TBC1D14: variants seen among roughly 807,000 people sequenced by gnomAD.
The protein encoded by TBC1D14 is TBC1 domain family, member 14.
TBC1D14 carries 26 observed loss-of-function variants against 79.0 expected under a neutral mutation model. That is an observed-to-expected ratio of 0.33 (90% CI 0.24 to 0.46). The LOEUF is 0.46. TBC1D14 is among the 20% of genes least tolerant of loss of function. The probability of loss-of-function intolerance (pLI) is 1.00; values close to 1 mark genes in which losing one functional copy is unlikely to be tolerated. For missense variants in TBC1D14, 769 were observed against 887.6 expected, an observed-to-expected ratio of 0.87 and a Z score of 1.70; for synonymous variants, 394 against 349.9, an observed-to-expected ratio of 1.13 and a Z score of -1.40.
chr4:6,974,906 TTTTTGTTTTG>T (rs540188879), intron 3 of TBC1D14, among the ~76,000 whole-genome samples: 4 of 152,076 alleles, frequency 2.6e-5, no homozygotes, highest in Non-Finnish European at 5.9e-5. Context: ...TGTTTGTTTG[TTTTTGTTTTG>T]TTTTGTTTTG....
At chr4:6,936,385 G>A (rs2108961130) in intron 2 of TBC1D14, among the ~76,000 whole-genome samples, 1 of 152,310 alleles carries the variant, frequency 6.6e-6, no homozygotes, top group South Asian at 2.1e-4. Flanking sequence ...TTTCCAGAAT[G>A]CCATACAGGT....
chr4:6,918,443 A>T (rs1359654868), intron 1 of TBC1D14, among the ~76,000 whole-genome samples: 1 of 152,224 alleles, frequency 6.6e-6, no homozygotes, highest in African/African-American at 2.4e-5. Flanking sequence ...AAAGGGAAGC[A>T]CACGTTCATT....
intron 2 of TBC1D14, among the ~76,000 whole-genome samples, chr4:6,927,400 A>G (rs1007651058): frequency 2.6e-4 from 40 of 152,020 alleles, no homozygotes; most frequent in African/African-American, 9.2e-4. Flanking sequence ...TGGGCAAGTT[A>G]CCTCTCTGAG....
rs770795373 is a variant in TBC1D14, at chr4:7,010,711, C to G, written c.1577C>G (p.Ala526Gly). The G allele has an allele frequency of 7.4e-6, 12 of 1,613,738 alleles. No homozygotes were observed. The highest frequency in any genetic ancestry group is 1.7e-5 in the Admixed American group (1 of 59,974). ...VLILNLDTADAFIAFSNLLNK... is the reference protein window; with the variant it reads ...VLILNLDTADGFIAFSNLLNK... ...ATCTTGAACTTAGATACTGCAGATGCCTTTATTGCCTTTTCTAACCTTCTG... is the reference window on the plus strand; with the variant it reads ...ATCTTGAACTTAGATACTGCAGATGGCTTTATTGCCTTTTCTAACCTTCTG... The change falls in exon 11 of 14, where the codon GCC (alanine) becomes GGC (glycine). Residue 526 changes from alanine to glycine, a missense_variant. This residue lies in a region of TBC1D14 where 367 missense variants were observed against 494.4 expected (regional missense o/e 0.74). Coordinates refer to ENST00000409757, the MANE Select transcript of TBC1D14 (RefSeq NM_020773.3).
intron 7 of TBC1D14, among the ~76,000 whole-genome samples, chr4:7,003,257 C>T (rs949956910): frequency 2.0e-5 from 3 of 152,196 alleles, no homozygotes; most frequent in Non-Finnish European, 2.9e-5. Context: ...ACCCATTAAA[C>T]CCCGAGGCTG....
intron 3 of TBC1D14, chr4:6,987,266 CCGGG>C (rs1444232049): frequency 7.7e-7 from 1 of 1,303,076 alleles, no homozygotes; most frequent in African/African-American, 1.5e-5. Flanking sequence ...CGCCCGCGGT[CCGGG>C]AGGGAGGGAG....
intron 3 of TBC1D14, among the ~76,000 whole-genome samples, chr4:6,967,942 A>G (rs1715849967): frequency 2.0e-5 from 3 of 151,952 alleles, no homozygotes; most frequent in Admixed American, 2.0e-4. Context: ...GCATGTCCTC[A>G]CCACTGGGCT....
intron 2 of TBC1D14, among the ~76,000 whole-genome samples, chr4:6,958,499 G>C (rs573867115): frequency 9.9e-5 from 15 of 152,124 alleles, no homozygotes; most frequent in Admixed American, 6.5e-5. Flanking sequence ...GGCTCACTCA[G>C]CTTGTGGCAG....
rs193077447 is a variant in TBC1D14 at position 6,986,023 on chromosome 4, C to T, written c.844-8161C>T. Reference sequence around the variant, plus strand: ...ACATCCAAAGTTTTATTTTTCATCACCCAAAAAAGTTCCTTCGTGCCTGTT... The same window carrying T: ...ACATCCAAAGTTTTATTTTTCATCATCCAAAAAAGTTCCTTCGTGCCTGTT... On this transcript the variant is annotated intron_variant, in intron 3 of 13. Transcript: ENST00000409757. Among the ~76,000 whole-genome samples the T allele has an allele frequency of 5.3e-5, 8 of 152,288 alleles. No individual in the cohort carries two copies. In the East Asian group the frequency reaches 9.6e-4, roughly 18 times the overall value.
intron 13 of TBC1D14, among the ~76,000 whole-genome samples, chr4:7,027,607 TAC>T (rs570126478): frequency 3.5e-4 from 42 of 120,200 alleles, no homozygotes; most frequent in East Asian, 1.8e-3. Context: ...ACAATTACCC[TAC>T]ACAGTCACAT....
intron 7 of TBC1D14, among the ~76,000 whole-genome samples, chr4:7,003,351 C>T (rs572861810): frequency 2.0e-5 from 3 of 152,344 alleles, no homozygotes; most frequent in Admixed American, 2.0e-4. Context: ...TTTTCATCCA[C>T]CTCCTGCCAA....
chr4:6,916,652 C>T (rs1010040442), intron 1 of TBC1D14, among the ~76,000 whole-genome samples: 5 of 152,164 alleles, frequency 3.3e-5, no homozygotes, highest in African/African-American at 7.2e-5. Flanking sequence ...TTGAATCCCT[C>T]GGGGGCAGCT....
intron 2 of TBC1D14, among the ~76,000 whole-genome samples, chr4:6,962,375 G>A (rs1021949309): frequency 6.6e-6 from 1 of 152,100 alleles, no homozygotes; most frequent in Non-Finnish European, 1.5e-5. Flanking sequence ...TACAGATATC[G>A]ATTGTTTACT....
At chr4:6,913,225 C>G (rs1723141486) in intron 1 of TBC1D14, among the ~76,000 whole-genome samples, 1 of 152,174 alleles carries the variant, frequency 6.6e-6, no homozygotes, top group African/African-American at 2.4e-5. Flanking sequence ...GAACCCCTGA[C>G]TTCAGGTGAT....
chr4:6,996,530 T>G, intron 5 of TBC1D14, 123 bp downstream of exon 5: 2 of 717,492 alleles, frequency 2.8e-6, no homozygotes, highest in South Asian at 1.9e-5. Context: ...TTTGTAGTCT[T>G]CCAGTAAAAA....
chr4:6,922,918 G>A (rs1723980702), intron 1 of TBC1D14, among the ~76,000 whole-genome samples: 1 of 152,146 alleles, frequency 6.6e-6, no homozygotes, highest in Non-Finnish European at 1.5e-5. Flanking sequence ...TCTAGCTTCT[G>A]GGCCAGGCGT....
At chr4:6,919,898 C>T (rs552709704) in intron 1 of TBC1D14, among the ~76,000 whole-genome samples, 6 of 152,150 alleles carry the variant, frequency 3.9e-5, no homozygotes, top group East Asian at 1.9e-4. Context: ...GGATTACAGG[C>T]GTGAGCCACC....
chr4:6,955,359 C>T lies in TBC1D14; in HGVS notation c.723-11945C>T, dbSNP rs114215159. On this transcript the variant is annotated intron_variant, in intron 2 of 13. Coordinates refer to ENST00000409757, the MANE Select transcript of TBC1D14 (RefSeq NM_020773.3). ...CCTTCAGGAGGAAGCGTCTTAGCCT[C>T]GCTGGGCCTCGGTGTCCTGTCCGTA... is the stretch of plus-strand genomic sequence containing the variant. 3.2e-3 allele frequency among the ~76,000 whole-genome samples: 494 copies of T among 152,284 alleles called. 1 individual carries two copies. The highest frequency in any genetic ancestry group is 0.011 in the African/African-American group (455 of 41,568).
Position 7,025,016 on chromosome 4 carries a change from A to T in TBC1D14, c.1770A>T (p.Leu590Phe), listed in dbSNP as rs776847983. Residue 590 changes from leucine to phenylalanine, a missense_variant, in exon 13 of 14, where the codon TTA (leucine) becomes TTT (phenylalanine). Leu to Phe is a conservative substitution (Grantham distance 22). Around this residue, in one of 2 missense-constraint regions of TBC1D14, gnomAD observed 367 missense variants for 494.4 expected, o/e 0.74. Transcript: ENST00000409757. ...TTTTACCCCCTAGGATCTTTACCTT[A>T]TATAGTAAATCTCTGCCCCTCGACC... ...DIYLIDWIFT[L>F]YSKSLPLDLA... 1.2e-6 allele frequency: 2 copies of T among 1,614,082 alleles called. No homozygotes were observed. Among genetic ancestry groups the T allele is most frequent in the South Asian group, 1.1e-5 (1 of 91,072 alleles).
Sources: allele counts gnomAD v4.1 joint callset (sites outside exome capture counted in the v4.1 genomes callset), GRCh38; gene constraint gnomAD v4.1.1; regional missense constraint gnomAD v4.1.1; transcripts MANE v1.5; gene names NCBI Gene and HGNC (gene_info 2026-07-23, HGNC 2026-07-21).